Variants in TNFRSF8 observed in about 807,000 individuals in gnomAD.
TNFRSF8 encodes the protein TNF receptor superfamily member 8.
TNFRSF8 carries 26 observed loss-of-function variants against 70.8 expected under a neutral mutation model. That is an observed-to-expected ratio of 0.37 (90% CI 0.27 to 0.51). The LOEUF is 0.51. Ranked by LOEUF, TNFRSF8 falls within the 20% of genes least tolerant of loss-of-function variation. TNFRSF8 has a pLI of 0.94. For synonymous variants in TNFRSF8, 356 were observed against 339.2 expected, an observed-to-expected ratio of 1.05 and a Z score of -0.54; for missense variants, 720 against 807.9, an observed-to-expected ratio of 0.89 and a Z score of 1.32.
chr1:12,141,886 G>A lies in TNFRSF8; in HGVS notation c.1544-401G>A, dbSNP rs180935635. On this transcript the variant is annotated intron_variant, in intron 14 of 14. Coordinates refer to ENST00000263932, the MANE Select transcript of TNFRSF8 (RefSeq NM_001243.5). The surrounding 1 kb of genome is among the most constrained non-coding windows in gnomAD (Gnocchi z 5.4). Reference sequence around the variant, plus strand: ...GTAAATGGGAATCTTGATGGGGTCCGCCTTGCAGGAGGGCTGGGGACCCAG... The same window carrying A: ...GTAAATGGGAATCTTGATGGGGTCCACCTTGCAGGAGGGCTGGGGACCCAG... Among the ~76,000 whole-genome samples the A allele has an allele frequency of 2.0e-4, 30 of 152,296 alleles. No individual in the cohort carries two copies. In the East Asian group the frequency reaches 5.2e-3, roughly 26 times the overall value.
At chr1:12,123,401 T>TG (rs1641870467) in intron 9 of TNFRSF8, 24 bp downstream of exon 9, 2 of 1,583,658 alleles carry the variant, frequency 1.3e-6, no homozygotes, top group Non-Finnish European at 1.7e-6. Flanking sequence ...CCCTTCTCTC[T>TG]GTTTGGCTGC....
Position 12,142,333 on chromosome 1 carries a change from G to A in TNFRSF8, c.1590G>A (p.Val530=), listed in dbSNP as rs772638912. The A allele has an allele frequency of 6.8e-6, 11 of 1,606,606 alleles. No individual in the cohort carries two copies. The highest frequency in any genetic ancestry group is 9.3e-6 in the Non-Finnish European group (11 of 1,176,686). The change falls in exon 15 of 15, where the codon GTG becomes GTA. Residue 530 remains valine, a synonymous_variant. Transcript: ENST00000263932. The surrounding 1 kb of genome is among the most constrained non-coding windows in gnomAD (Gnocchi z 5.0). Reference sequence around the variant, plus strand: ...CTGACACCGTGATCGTGGGGACCGTGAAGGCTGAGCTGCCGGAGGGCCGGG... The same window carrying A: ...CTGACACCGTGATCGTGGGGACCGTAAAGGCTGAGCTGCCGGAGGGCCGGG... ...MKADTVIVGT[V]KAELPEGRGL...
Position 12,138,567 on chromosome 1 carries a change from C to A in TNFRSF8, c.1543+131C>A. On this transcript the variant is annotated intron_variant, in intron 14 of 14. Transcript: ENST00000263932. The surrounding 1 kb of genome is among the most constrained non-coding windows in gnomAD (Gnocchi z 5.7). ...GCCCAGGAAAGGAGAGGCATAGATT[C>A]TTCACCCCAATTGAAGTTTCTGTAA... 2.1e-6 allele frequency: 2 copies of A among 936,960 alleles called. No homozygotes were observed. The highest frequency in any genetic ancestry group is 1.6e-6 in the Non-Finnish European group (1 of 635,158). 58.0% of individuals were successfully genotyped at this position (936,960 alleles called of 1,614,324 possible).
chr1:12,069,196 T>C (rs367789894), intron 1 of TNFRSF8, among the ~76,000 whole-genome samples: 6 of 89,776 alleles, frequency 6.7e-5, no homozygotes, highest in African/African-American at 2.9e-4. Context: ...TTTTTTTTTT[T>C]TGATGGAGTT....
At chr1:12,127,699 C>T (rs1000573970) in intron 12 of TNFRSF8, among the ~76,000 whole-genome samples, 1 of 152,200 alleles carries the variant, frequency 6.6e-6, no homozygotes, top group East Asian at 1.9e-4. Context: ...TTGATAGTTT[C>T]AAGCCTGTTT....
At chr1:12,115,539 A>T (rs1448317816) in intron 7 of TNFRSF8, 38 bp from the exon 8 acceptor site, 1 of 1,613,706 alleles carries the variant, frequency 6.2e-7, no homozygotes, top group Non-Finnish European at 8.5e-7. Context: ...CCCTTGCCAT[A>T]CTGATCTTTC....
At chr1:12,089,934 C>G (rs920476395) in intron 2 of TNFRSF8, among the ~76,000 whole-genome samples, 1 of 150,648 alleles carries the variant, frequency 6.6e-6, no homozygotes, top group African/African-American at 2.5e-5. Context: ...ATCCATCCAT[C>G]CATCCATCCA....
In TNFRSF8 at chr1:12,088,440, T is replaced by G. The variant is rs1438912209; in HGVS notation, c.151+3889T>G. Reference sequence around the variant, plus strand: ...CAGTGGCTCAGCCGGGCCGTGAACATGACCACCGAGTGCAGTCTCCTGAGC... The same window carrying G: ...CAGTGGCTCAGCCGGGCCGTGAACAGGACCACCGAGTGCAGTCTCCTGAGC... On this transcript the variant is annotated intron_variant, in intron 2 of 14. Coordinates refer to ENST00000263932, the MANE Select transcript of TNFRSF8 (RefSeq NM_001243.5). The surrounding 1 kb of genome is among the most constrained non-coding windows in gnomAD (Gnocchi z 4.0). Among the ~76,000 whole-genome samples the G allele has an allele frequency of 6.6e-6, 1 of 152,072 alleles. No individual in the cohort carries two copies. Among genetic ancestry groups the G allele is most frequent in the African/African-American group, 2.4e-5 (1 of 41,404 alleles).
chr1:12,115,819 G>A, intron 8 of TNFRSF8, 90 bp downstream of exon 8: 5 of 1,445,344 alleles, frequency 3.5e-6, no homozygotes, highest in Non-Finnish European at 3.8e-6. Flanking sequence ...AGGGGTGGAG[G>A]CAAATGACCT....
chr1:12,111,620 C>T (rs1033967966), intron 6 of TNFRSF8, among the ~76,000 whole-genome samples: 1 of 152,104 alleles, frequency 6.6e-6, no homozygotes, highest in Non-Finnish European at 1.5e-5. Context: ...GTGACAGAGC[C>T]ATGAGACAGG....
chr1:12,091,850 C>T (rs1641252943), intron 2 of TNFRSF8, among the ~76,000 whole-genome samples: 1 of 152,304 alleles, frequency 6.6e-6, no homozygotes, highest in African/African-American at 2.4e-5. Context: ...CTCAGATCAT[C>T]AGGCATTAGA....
chr1:12,083,068 C>T (rs544059284), intron 1 of TNFRSF8, among the ~76,000 whole-genome samples: 2 of 152,256 alleles, frequency 1.3e-5, no homozygotes, highest in South Asian at 4.1e-4. Flanking sequence ...TGCCCAACAA[C>T]ATTACTTATC....
At chr1:12,081,947 CTT>C (rs762971321) in intron 1 of TNFRSF8, among the ~76,000 whole-genome samples, 2 of 121,584 alleles carry the variant, frequency 1.6e-5, no homozygotes, top group Non-Finnish European at 3.5e-5. Context: ...CTCCCTGCCT[CTT>C]GCCTCACTTC....
At chr1:12,132,506 G>C (rs928006049) in intron 12 of TNFRSF8, among the ~76,000 whole-genome samples, 2 of 152,184 alleles carry the variant, frequency 1.3e-5, no homozygotes, top group African/African-American at 4.8e-5. Flanking sequence ...TTATGCATTG[G>C]GGGAAGAAGA....
chr1:12,110,077 C>G lies in TNFRSF8; in HGVS notation c.549C>G (p.Ser183=). 2 of 1,613,520 alleles carry G rather than the reference C, an allele frequency of 1.2e-6. No homozygotes were observed. The highest frequency in any genetic ancestry group is 1.7e-6 in the Non-Finnish European group (2 of 1,179,742). Reference sequence around the variant, plus strand: ...CCCAGGCCAAGCCCACCCCGGTGTCCCCAGCAACCTCCAGTGCCAGCACCA... The same window carrying G: ...CCCAGGCCAAGCCCACCCCGGTGTCGCCAGCAACCTCCAGTGCCAGCACCA... ...TIPQAKPTPV[S]PATSSASTMP... Residue 183 remains serine, a synonymous_variant, in exon 6 of 15, where the codon TCC becomes TCG. Transcript: ENST00000263932. The surrounding 1 kb of genome is among the most constrained non-coding windows in gnomAD (Gnocchi z 4.0).
chr1:12,137,425 T>C (rs1642166398), intron 13 of TNFRSF8, among the ~76,000 whole-genome samples: 1 of 152,188 alleles, frequency 6.6e-6, no homozygotes, highest in African/African-American at 2.4e-5. Flanking sequence ...CTGCCTCCTC[T>C]GAATTACTCA....
chr1:12,115,906 T>C lies in TNFRSF8; in HGVS notation c.946+177T>C, dbSNP rs544837580. ...TAGTCAGACTCAGTGAATGGAATGA[T>C]AAAATCCAGTTTTAGCATTTTGGCA... On this transcript the variant is annotated intron_variant, in intron 8 of 14. Coordinates refer to ENST00000263932, the MANE Select transcript of TNFRSF8 (RefSeq NM_001243.5). 1.8e-4 allele frequency among the ~76,000 whole-genome samples: 28 copies of C among 152,328 alleles called. No homozygotes were observed. The South Asian group carries it at 3.7e-3, about 20-fold the overall frequency.
Position 12,088,607 on chromosome 1 carries a change from C to T in TNFRSF8, c.151+4056C>T, listed in dbSNP as rs968864606. Among the ~76,000 whole-genome samples, 4 of 152,210 alleles carry T rather than the reference C, an allele frequency of 2.6e-5. No individual in the cohort carries two copies. Among genetic ancestry groups the T allele is most frequent in the Non-Finnish European group, 4.4e-5 (3 of 68,026 alleles). On this transcript the variant is annotated intron_variant, in intron 2 of 14. Transcript: ENST00000263932. This position sits in a 1 kb window ranked among gnomAD's most constrained non-coding sequence, Gnocchi z 4.0. ...ACTACCCTCTCTTTGTGTGCAGACTCGCTCCCCACAGGAAGGGGTCTCTCC... is the reference window on the plus strand; with the variant it reads ...ACTACCCTCTCTTTGTGTGCAGACTTGCTCCCCACAGGAAGGGGTCTCTCC...
chr1:12,100,337 A>G (rs1441538793), intron 3 of TNFRSF8, among the ~76,000 whole-genome samples: 3 of 152,122 alleles, frequency 2.0e-5, no homozygotes, highest in African/African-American at 7.2e-5. Context: ...CTTTATCAAC[A>G]CTGTACACTT....
Sources: gnomAD v4.1 joint callset for allele counts (sites outside exome capture counted in the v4.1 genomes callset) on GRCh38, gnomAD v4.1.1 for gene constraint, Gnocchi (gnomAD v3.1) non-coding constraint, MANE v1.5 for transcripts, NCBI Gene and HGNC (gene_info 2026-07-23, HGNC 2026-07-21) for gene names.